The following SYNJ2 variants were observed in gnomAD, a reference collection of about 807,000 sequenced individuals.
The protein encoded by SYNJ2 is polyphosphatidylinositol phosphatase SYNJ2.
In SYNJ2, 116 loss-of-function variants were observed where a neutral mutation model predicts 141.3. That is an observed-to-expected ratio of 0.82 (90% CI 0.71 to 0.96). SYNJ2 has a LOEUF of 0.96. Among genes scored for constraint, SYNJ2 ranks in the 40% least tolerant of loss-of-function variants. The pLI is 0.00. For synonymous variants in SYNJ2, 745 were observed against 777.7 expected (o/e 0.96, Z 0.70); for missense variants, 1,873 against 1,934.8 (o/e 0.97, Z 0.60).
chr6:158,045,880 A>G (rs528860232), intron 5 of SYNJ2, among the ~76,000 whole-genome samples: 2 of 152,042 alleles, frequency 1.3e-5, no homozygotes, highest in East Asian at 3.9e-4. Context: ...CAGCTGTTTC[A>G]CCCTCTTAAA....
chr6:158,076,523 T>C (rs1452851781), intron 16 of SYNJ2, 103 bp from the exon 17 acceptor site: 1 of 1,306,114 alleles, frequency 7.7e-7, no homozygotes, highest in Non-Finnish European at 1.1e-6. Flanking sequence ...GAGCTTCTGT[T>C]ACTTTTTAAG....
intron 4 of SYNJ2, among the ~76,000 whole-genome samples, chr6:158,041,843 G>A (rs1006451930): frequency 6.6e-6 from 1 of 152,104 alleles, no homozygotes; most frequent in Non-Finnish European, 1.5e-5. Flanking sequence ...CGAATAGCTG[G>A]GACTACAGGC....
In SYNJ2 at chr6:158,098,374, T is replaced by G. The variant is rs1373487623; in HGVS notation, c.*2010T>G. 2.6e-5 allele frequency: 4 copies of G among 152,142 alleles called. No individual in the cohort carries two copies. Among genetic ancestry groups the G allele is most frequent in the Non-Finnish European group, 4.4e-5 (3 of 68,028 alleles). The allele number at this position is 152,142 out of a possible 1,614,324, so 9.4% of individuals were successfully genotyped here. ...TAGCTCTTCAGAGTCTGACCGTAAG[T>G]AAAAACACACAGAATTGTGTTGACT... On this transcript the variant is annotated 3_prime_UTR_variant, in exon 27 of 27. Transcript: ENST00000355585.
Position 158,096,124 on chromosome 6 carries a change from CCTT to C in SYNJ2, c.4256_4258del (p.Leu1419del). ...GTGATTATCAGGACCCCTTCTGGAA[CCTT>C]CTTCACCACCCTAAACTGTTGAATA... On this transcript the variant is annotated inframe_deletion, in exon 27 of 27. Coordinates refer to ENST00000355585, the MANE Select transcript of SYNJ2 (RefSeq NM_003898.4). 6.2e-7 allele frequency: 1 copy of C among 1,614,260 alleles called. No homozygotes were observed. Among genetic ancestry groups the C allele is most frequent in the Non-Finnish European group, 8.5e-7 (1 of 1,180,050 alleles).
At chr6:158,075,206 A>G (rs907856024) in intron 16 of SYNJ2, among the ~76,000 whole-genome samples, 1 of 151,564 alleles carries the variant, frequency 6.6e-6, no homozygotes, top group Non-Finnish European at 1.5e-5. Context: ...TGCTGGGATT[A>G]CAGGCATGAG....
chr6:158,024,769 C>T (rs1778951409), intron 2 of SYNJ2, among the ~76,000 whole-genome samples: 1 of 152,170 alleles, frequency 6.6e-6, no homozygotes, highest in African/African-American at 2.4e-5. Flanking sequence ...AGAGGGGGGA[C>T]TGGAAATATG....
intron 6 of SYNJ2, among the ~76,000 whole-genome samples, chr6:158,058,509 A>G (rs554491665): frequency 1.3e-5 from 2 of 152,362 alleles, no homozygotes; most frequent in South Asian, 2.1e-4. Flanking sequence ...GCATAATGCA[A>G]TATAGCACTT....
At position 158,066,606 on chromosome 6, in the gene SYNJ2, C is replaced by A. The variant is rs1020407563; in HGVS notation, c.1688C>A (p.Pro563His). Residue 563 changes from proline (P) to histidine (H), a missense_variant, in exon 12 of 27, where the codon CCC becomes CAC. Coordinates refer to ENST00000355585, the MANE Select transcript of SYNJ2 (RefSeq NM_003898.4). ...CTGACAGACTGGCTGCTCGACTCGC[C>A]CCAGCTCTCGGGAGCTACCGACTCC... ...AELTDWLLDS[P>H]QLSGATDSQD... The A allele has an allele frequency of 2.5e-6, 4 of 1,613,720 alleles. No homozygotes were observed. In the African/African-American group the frequency reaches 5.3e-5, roughly 22 times the overall value.
At position 158,095,620 on chromosome 6, in the gene SYNJ2, CCT is replaced by C. The variant is rs761056802; in HGVS notation, c.3748_3749del (p.Leu1250ValfsTer7). ...CTCTTTGTCCCACCTTTTCTCAGCCCCTGTCACCGGAAGAACAGTTTGAGCAA... is the reference window on the plus strand; with the variant it reads ...CTCTTTGTCCCACCTTTTCTCAGCCCGTCACCGGAAGAACAGTTTGAGCAA... ...KPTLRRTGKP[L>X]SPEEQFEQQT... On this transcript the variant is annotated frameshift_variant, in exon 27 of 27. Coordinates refer to ENST00000355585, the MANE Select transcript of SYNJ2 (RefSeq NM_003898.4). LOFTEE classifies it low-confidence loss of function (END_TRUNC). The C allele has an allele frequency of 6.3e-6, 10 of 1,591,330 alleles. No individual in the cohort carries two copies. The highest frequency in any genetic ancestry group is 1.1e-5 in the South Asian group (1 of 87,564).
chr6:158,055,087 C>T, intron 6 of SYNJ2, 59 bp downstream of exon 6: 1 of 1,584,334 alleles, frequency 6.3e-7, no homozygotes, highest in Non-Finnish European at 8.6e-7. Context: ...ATCGTCCTCC[C>T]ATCAGACACA....
chr6:158,018,203 G>A (rs145510637), intron 2 of SYNJ2, among the ~76,000 whole-genome samples: 4 of 152,320 alleles, frequency 2.6e-5, no homozygotes, highest in East Asian at 1.9e-4. Context: ...GGTGGTGGCC[G>A]GCTGTCGTGG....
At chr6:158,025,813 G>A (rs1026703266) in intron 2 of SYNJ2, among the ~76,000 whole-genome samples, 8 of 152,144 alleles carry the variant, frequency 5.3e-5, no homozygotes, top group South Asian at 2.1e-4. Flanking sequence ...TTAGCTGGGC[G>A]TGGTGACGCA....
chr6:158,059,211 A>C (rs1275662833), intron 6 of SYNJ2, 46 bp from the exon 7 acceptor site: 6 of 1,496,910 alleles, frequency 4.0e-6, no homozygotes, highest in South Asian at 1.3e-5. Flanking sequence ...CAGAGTCTGC[A>C]CCTGTGCCCG....
Position 158,040,218 on chromosome 6 carries a change from G to A in SYNJ2, c.712-3098G>A, listed in dbSNP as rs1490677776. ...GTGTGTGCGTGGTATGTGCATTTAT[G>A]TGTTGTACATGTGTGTATGTGTCAT... is the stretch of plus-strand genomic sequence containing the variant. On this transcript the variant is annotated intron_variant, in intron 4 of 26. Coordinates refer to ENST00000355585, the MANE Select transcript of SYNJ2 (RefSeq NM_003898.4). The surrounding 1 kb of genome is among the most constrained non-coding windows in gnomAD (Gnocchi z 4.2). Among the ~76,000 whole-genome samples the A allele has an allele frequency of 6.7e-6, 1 of 148,468 alleles. No individual in the cohort carries two copies. The highest frequency in any genetic ancestry group is 2.6e-5 in the African/African-American group (1 of 37,812).
intron 14 of SYNJ2, chr6:158,069,990 AC>A (rs1333758485): frequency 2.4e-6 from 1 of 421,410 alleles, no homozygotes; most frequent in African/African-American, 2.1e-5. Flanking sequence ...TAGACAGGAA[AC>A]CTCTGACCAA....
At chr6:158,001,134 C>T (rs1286768256) in intron 1 of SYNJ2, 2 of 152,396 alleles carry the variant, frequency 1.3e-5, no homozygotes, top group Non-Finnish European at 2.9e-5. Flanking sequence ...TAGCCCTCTC[C>T]CGCCCTCCTC....
chr6:158,011,907 G>A (rs1191187219), intron 1 of SYNJ2, among the ~76,000 whole-genome samples: 1 of 152,164 alleles, frequency 6.6e-6, no homozygotes, highest in Non-Finnish European at 1.5e-5. Context: ...GTTGAAATAG[G>A]TATTTTTGGT....
At chr6:158,039,434 G>C (rs1311656070) in intron 4 of SYNJ2, among the ~76,000 whole-genome samples, 1 of 152,222 alleles carries the variant, frequency 6.6e-6, no homozygotes, top group African/African-American at 2.4e-5. Flanking sequence ...TGGTCTGCAG[G>C]GGAACCTGCC....
In SYNJ2 at chr6:158,084,972, G is replaced by A. The variant is rs1782941422; in HGVS notation, c.3208+798G>A. Among the ~76,000 whole-genome samples the A allele has an allele frequency of 6.6e-6, 1 of 151,076 alleles. No homozygotes were observed. The highest frequency in any genetic ancestry group is 6.6e-5 in the Admixed American group (1 of 15,126). ...ATTGTATCATTTTAGACTTCAGAGG[G>A]CCTGAAAGGTCACATTGATTGAACC... On this transcript the variant is annotated intron_variant, in intron 22 of 26. Coordinates refer to ENST00000355585, the MANE Select transcript of SYNJ2 (RefSeq NM_003898.4). This position sits in a 1 kb window ranked among gnomAD's most constrained non-coding sequence, Gnocchi z 5.0.
Sources: gnomAD v4.1 joint callset for allele counts (sites outside exome capture counted in the v4.1 genomes callset) on GRCh38, gnomAD v4.1.1 for gene constraint, Gnocchi (gnomAD v3.1) non-coding constraint, MANE v1.5 for transcripts, NCBI Gene and HGNC (gene_info 2026-07-23, HGNC 2026-07-21) for gene names.